PREX2: variants seen among roughly 807,000 people sequenced by gnomAD.
PREX2 encodes the protein phosphatidylinositol-3,4,5-trisphosphate dependent Rac exchange factor 2, also known as phosphatidylinositol 3,4,5-trisphosphate-dependent Rac exchanger 2 protein.
In PREX2, 107 loss-of-function variants were observed where a neutral mutation model predicts 203.2. The ratio of observed to expected loss-of-function variants is 0.53; its 90% confidence interval spans 0.45 to 0.62. PREX2 has a LOEUF of 0.62. Ranked by LOEUF, PREX2 falls within the 20% of genes least tolerant of loss-of-function variation. The pLI is 0.00. For synonymous variants in PREX2, 672 were observed against 663.6 expected (o/e 1.01, Z -0.19); for missense variants, 1,777 against 1,955.9 (o/e 0.91, Z 1.72).
intron 1 of PREX2, among the ~76,000 whole-genome samples, chr8:67,959,550 G>T (rs1805577162): frequency 6.6e-6 from 1 of 152,162 alleles, no homozygotes; most frequent in Admixed American, 6.5e-5. Flanking sequence ...GAAGGCAAAT[G>T]GCATCTTTGG....
chr8:68,205,463 G>T (rs1453802296), intron 37 of PREX2, among the ~76,000 whole-genome samples: 2 of 152,176 alleles, frequency 1.3e-5, no homozygotes, highest in Non-Finnish European at 2.9e-5. Context: ...GGGTGAATAA[G>T]GTGGGAAAGT....
chr8:68,141,952 T>C (rs941516740), intron 33 of PREX2, among the ~76,000 whole-genome samples: 11 of 152,210 alleles, frequency 7.2e-5, no homozygotes, highest in Non-Finnish European at 1.6e-4. Context: ...ATTAGTATTA[T>C]GCACTTTTTA....
intron 2 of PREX2, among the ~76,000 whole-genome samples, chr8:68,019,072 C>T (rs1420881282): frequency 1.3e-5 from 2 of 152,214 alleles, no homozygotes; most frequent in Admixed American, 6.5e-5. Context: ...CCAGCAAGGT[C>T]GCTACATCCT....
chr8:68,124,002 A>G (rs1012627504), intron 30 of PREX2, among the ~76,000 whole-genome samples: 4 of 152,108 alleles, frequency 2.6e-5, no homozygotes, highest in East Asian at 1.9e-4. Context: ...ATGAACATCA[A>G]TGCAGAAATC....
intron 1 of PREX2, among the ~76,000 whole-genome samples, chr8:67,989,565 T>A (rs936376731): frequency 2.0e-5 from 3 of 152,236 alleles, no homozygotes; most frequent in Non-Finnish European, 4.4e-5. Context: ...TATGTAGTGT[T>A]TTTTAATAAT....
intron 35 of PREX2, among the ~76,000 whole-genome samples, chr8:68,179,262 C>T (rs1320528509): frequency 6.6e-6 from 1 of 152,074 alleles, no homozygotes; most frequent in African/African-American, 2.4e-5. Context: ...TTTCTAAATT[C>T]TCACTTACAA....
intron 25 of PREX2, among the ~76,000 whole-genome samples, chr8:68,112,554 A>G (rs1036499427): frequency 3.9e-5 from 6 of 152,122 alleles, no homozygotes; most frequent in African/African-American, 1.4e-4. Context: ...GCATTTTGCT[A>G]CTAAATGTAC....
chr8:67,953,498 C>T (rs1288755591), intron 1 of PREX2, among the ~76,000 whole-genome samples: 1 of 152,138 alleles, frequency 6.6e-6, no homozygotes, highest in Non-Finnish European at 1.5e-5. Context: ...ATTCAAAGAA[C>T]CAGGAGCTTT....
chr8:68,121,968 A>T (rs1810783101), intron 30 of PREX2, among the ~76,000 whole-genome samples: 1 of 152,186 alleles, frequency 6.6e-6, no homozygotes, highest in African/African-American at 2.4e-5. Context: ...TTTGTTTGTC[A>T]GTTGGTTGTG....
At chr8:68,146,618 T>C (rs1363680972) in intron 34 of PREX2, among the ~76,000 whole-genome samples, 2 of 152,150 alleles carry the variant, frequency 1.3e-5, no homozygotes, top group Non-Finnish European at 2.9e-5. Context: ...AATAAACTGC[T>C]TAAGTAAGTT....
At chr8:68,119,764 C>A (rs1810731280) in intron 28 of PREX2, among the ~76,000 whole-genome samples, 1 of 151,634 alleles carries the variant, frequency 6.6e-6, no homozygotes, top group Non-Finnish European at 1.5e-5. Context: ...TAGGAGTTAC[C>A]CTTTTTAGTA....
intron 23 of PREX2, chr8:68,105,230 A>G: frequency 7.3e-7 from 1 of 1,367,642 alleles, no homozygotes; most frequent in Non-Finnish European, 9.8e-7. Context: ...GCACATTTCC[A>G]GTACCTGTGA....
Position 68,099,724 on chromosome 8 carries a change from A to C in PREX2, c.2596A>C (p.Asn866His). ...TAAAAGTGATGAGCATTTTGTACAAAACTGTACCAGCCTAAATTCTCTAAA... is the reference window on the plus strand; with the variant it reads ...TAAAAGTGATGAGCATTTTGTACAACACTGTACCAGCCTAAATTCTCTAAA... ...LAKSDEHFVQ[N>H]CTSLNSLNEV... Residue 866 changes from asparagine (N) to histidine (H), a missense_variant, in exon 23 of 40, where the codon AAC becomes CAC. By Grantham distance (68) the Asn-to-His change is moderately conservative. Transcript: ENST00000288368. 1 of 1,614,020 alleles carries C rather than the reference A, an allele frequency of 6.2e-7. No individual in the cohort carries two copies. Among genetic ancestry groups the C allele is most frequent in the Non-Finnish European group, 8.5e-7 (1 of 1,179,974 alleles).
chr8:68,056,714 A>G (rs1045826523), intron 10 of PREX2, among the ~76,000 whole-genome samples: 1 of 152,206 alleles, frequency 6.6e-6, no homozygotes, highest in African/African-American at 2.4e-5. Flanking sequence ...TTTTTTAAAG[A>G]TACAGAAACT....
At chr8:68,096,835 A>G (rs1241614844) in intron 21 of PREX2, among the ~76,000 whole-genome samples, 182 bp from the exon 22 acceptor site, 3 of 152,230 alleles carry the variant, frequency 2.0e-5, no homozygotes, top group Admixed American at 6.5e-5. Flanking sequence ...TCACTCAAGC[A>G]TATGCTTTTC....
intron 1 of PREX2, among the ~76,000 whole-genome samples, chr8:67,990,605 G>A (rs983554173): frequency 6.6e-6 from 1 of 151,654 alleles, no homozygotes; most frequent in African/African-American, 2.4e-5. Context: ...CGCCTCCCGG[G>A]TTCAAGCAAT....
chr8:68,225,815 A>T (rs577627790), intron 39 of PREX2, among the ~76,000 whole-genome samples: 1 of 152,208 alleles, frequency 6.6e-6, no homozygotes, highest in Non-Finnish European at 1.5e-5. Flanking sequence ...TTACATACGC[A>T]TTCTCCATCC....
intron 31 of PREX2, among the ~76,000 whole-genome samples, chr8:68,129,517 A>G (rs932845174): frequency 1.3e-5 from 2 of 150,770 alleles, no homozygotes; most frequent in African/African-American, 2.4e-5. Flanking sequence ...AATATTCTTA[A>G]CCTCCTTTTA....
chr8:68,059,659 T>C (rs1162938952), intron 10 of PREX2, among the ~76,000 whole-genome samples: 1 of 152,190 alleles, frequency 6.6e-6, no homozygotes, highest in South Asian at 2.1e-4. Context: ...AGAGCTCAAG[T>C]GGGTTCTCTG....
Sources: gnomAD v4.1 joint callset for allele counts (sites outside exome capture counted in the v4.1 genomes callset) on GRCh38, gnomAD v4.1.1 for gene constraint, MANE v1.5 for transcripts, NCBI Gene and HGNC (gene_info 2026-07-23, HGNC 2026-07-21) for gene names.